ANGPT4: variants seen among roughly 807,000 people sequenced by gnomAD.
ANGPT4 encodes the protein angiopoietin-4.
In ANGPT4, 50 loss-of-function variants were observed where a neutral mutation model predicts 53.0. The observed-to-expected ratio is 0.94, with a 90% CI of 0.75 to 1.20. The LOEUF (loss-of-function observed/expected upper bound fraction) is 1.20, where lower values mean the gene tolerates loss of function less well. ANGPT4 is among the 50% of genes most tolerant of loss of function. ANGPT4 has a pLI of 0.00. For synonymous variants in ANGPT4, 251 were observed against 259.7 expected, an observed-to-expected ratio of 0.97 and a Z score of 0.32; for missense variants, 648 against 637.1, an observed-to-expected ratio of 1.02 and a Z score of -0.18.
chr20:915,289 C>T (rs1444597749), intron 1 of ANGPT4, among the ~76,000 whole-genome samples: 1 of 152,136 alleles, frequency 6.6e-6, no homozygotes, highest in East Asian at 1.9e-4. Context: ...CCCTTGCTCC[C>T]TCTCCTCTGC....
intron 2 of ANGPT4, among the ~76,000 whole-genome samples, chr20:888,663 G>A (rs1436287713): frequency 6.6e-6 from 1 of 152,110 alleles, no homozygotes; most frequent in Non-Finnish European, 1.5e-5. Context: ...CATTCTCCCT[G>A]ATGCTTAGGC....
At chr20:888,695 C>A (rs1189611554) in intron 2 of ANGPT4, among the ~76,000 whole-genome samples, 1 of 152,192 alleles carries the variant, frequency 6.6e-6, no homozygotes, top group Non-Finnish European at 1.5e-5. Context: ...TCAACCCTGT[C>A]CCCCACATCC....
chr20:889,181 C>A (rs954485187), intron 2 of ANGPT4, among the ~76,000 whole-genome samples: 4 of 151,792 alleles, frequency 2.6e-5, no homozygotes, highest in Non-Finnish European at 5.9e-5. Flanking sequence ...CATCCCCCCC[C>A]ACCACTCCCA....
At chr20:877,054 T>G (rs1981197441) in intron 7 of ANGPT4, among the ~76,000 whole-genome samples, 1 of 149,772 alleles carries the variant, frequency 6.7e-6, no homozygotes, top group Non-Finnish European at 1.5e-5. Flanking sequence ...AGACCCTGCC[T>G]CAAAAAAGCC....
chr20:875,937 C>T (rs1403701778), intron 7 of ANGPT4, among the ~76,000 whole-genome samples: 1 of 152,040 alleles, frequency 6.6e-6, no homozygotes, highest in Admixed American at 6.5e-5. Flanking sequence ...CGAGATCAGC[C>T]TGGGCAACAT....
chr20:905,406 C>T (rs1982442788), intron 1 of ANGPT4, among the ~76,000 whole-genome samples: 1 of 152,014 alleles, frequency 6.6e-6, no homozygotes, highest in Non-Finnish European at 1.5e-5. Flanking sequence ...GTAAGGGGCA[C>T]GAGATTTCCA....
intron 1 of ANGPT4, among the ~76,000 whole-genome samples, chr20:910,004 G>T (rs1982637342): frequency 1.3e-5 from 2 of 152,164 alleles, no homozygotes; most frequent in African/African-American, 4.8e-5. Context: ...TCCCCTTTGG[G>T]GACCAGGGTC....
rs1467585003 is a variant in ANGPT4 at position 915,984 on chromosome 20, C to T, written c.231G>A (p.Leu77=). 3.7e-6 allele frequency: 6 copies of T among 1,612,188 alleles called. No individual in the cohort carries two copies. The highest frequency in any genetic ancestry group is 5.1e-6 in the Non-Finnish European group (6 of 1,178,452). ...GCTGGGTGGGCAACTTCCCCAGGTG[C>T]AGTGGGTTGGCCAGTGATTCTCTCT... is the stretch of plus-strand genomic sequence containing the variant. The part of the protein sequence containing the change: ...TLQRESLANP[L]HLGKLPTQQV... Residue 77 remains leucine (L), a synonymous_variant, in exon 1 of 9, where the codon CTG becomes CTA. Coordinates refer to ENST00000381922, the MANE Select transcript of ANGPT4 (RefSeq NM_015985.4).
chr20:874,427 C>G lies in ANGPT4; in HGVS notation c.1221-13G>C, dbSNP rs1287761728. ...GACCACAGAAAGCCTGGAGGCCACC[C>G]AGAGGTGGTGGTGGCAGAAGGGCCC... On this transcript the variant is annotated splice_polypyrimidine_tract_variant and intron_variant, in intron 7 of 8. Transcript: ENST00000381922. 5 of 1,612,664 alleles carry G rather than the reference C, an allele frequency of 3.1e-6. No homozygotes were observed. In the African/African-American group the frequency reaches 6.7e-5, roughly 22 times the overall value.
At chr20:884,634 G>A (rs1038366030) in intron 4 of ANGPT4, among the ~76,000 whole-genome samples, 8 of 152,224 alleles carry the variant, frequency 5.3e-5, no homozygotes, top group Non-Finnish European at 8.8e-5. Flanking sequence ...AGGGGCAGGG[G>A]CATTAAGATG....
rs990655260 is a variant in ANGPT4 at position 890,084 on chromosome 20, C to T, written c.465+129G>A. On this transcript the variant is annotated intron_variant, in intron 2 of 8. Coordinates refer to ENST00000381922, the MANE Select transcript of ANGPT4 (RefSeq NM_015985.4). ...ACAAGTTCATCAGGGAGGAGGGACC[C>T]GGGGGGCTACAGGCCCAGAGGAGGC... 1.2e-5 allele frequency: 14 copies of T among 1,162,524 alleles called. No individual in the cohort carries two copies. The Middle Eastern group carries it at 6.2e-4, about 52-fold the overall frequency. 72.0% of individuals were successfully genotyped at this position (1,162,524 alleles called of 1,614,324 possible). A position where few individuals can be genotyped will look rare whatever the true frequency, so the allele number is the denominator to read the frequency against.
At chr20:878,119 T>C in intron 7 of ANGPT4, 42 bp downstream of exon 7, 2 of 1,554,868 alleles carry the variant, frequency 1.3e-6, no homozygotes, top group Non-Finnish European at 1.8e-6. Flanking sequence ...GCCCACTAGC[T>C]GAAGACCCCA....
chr20:899,121 G>A (rs1982174352), intron 1 of ANGPT4, among the ~76,000 whole-genome samples: 2 of 152,088 alleles, frequency 1.3e-5, no homozygotes, highest in African/African-American at 4.8e-5. Flanking sequence ...AATCAATACA[G>A]AGGCTACCCA....
intron 7 of ANGPT4, among the ~76,000 whole-genome samples, chr20:875,385 G>T (rs1181778924): frequency 6.6e-6 from 1 of 152,188 alleles, no homozygotes; most frequent in African/African-American, 2.4e-5. Flanking sequence ...CAGCTCTGCA[G>T]CTTCGACATC....
chr20:882,388 T>C (rs1007573507), intron 4 of ANGPT4, among the ~76,000 whole-genome samples: 1 of 152,108 alleles, frequency 6.6e-6, no homozygotes, highest in Non-Finnish European at 1.5e-5. Flanking sequence ...GATGGATAGG[T>C]TGTCAACACC....
chr20:890,075 G>A, intron 2 of ANGPT4, 138 bp downstream of exon 2: 4 of 1,042,236 alleles, frequency 3.8e-6, no homozygotes, highest in Non-Finnish European at 5.5e-6. Flanking sequence ...TCATCAGGGA[G>A]GAGGGACCCG....
In ANGPT4 at chr20:885,244, C is replaced by T. The variant is rs763557392; in HGVS notation, c.669G>A (p.Leu223=). 3.2e-6 allele frequency: 5 copies of T among 1,584,042 alleles called. No homozygotes were observed. Among genetic ancestry groups the T allele is most frequent in the East Asian group, 2.3e-5 (1 of 43,582 alleles). ...LASILSKKAK[L]LNTLSRQSAA... is the part of the protein sequence containing the mutation. The stretch of plus-strand genomic sequence containing the variant: ...CGCTCTGGCGGCTCAGCGTGTTCAG[C>T]AGCTTCGCCTTCTTGCTGAGGATGC... The change falls in exon 4 of 9, where the codon CTG becomes CTA. Residue 223 remains leucine (L), a synonymous_variant. Coordinates refer to ENST00000381922, the MANE Select transcript of ANGPT4 (RefSeq NM_015985.4).
chr20:902,325 C>A (rs1219530050), intron 1 of ANGPT4, among the ~76,000 whole-genome samples: 3 of 151,582 alleles, frequency 2.0e-5, no homozygotes, highest in Non-Finnish European at 4.4e-5. Flanking sequence ...ATTCAAGGAA[C>A]CTGTAAACTT....
intron 4 of ANGPT4, 144 bp downstream of exon 4, chr20:884,934 T>C: frequency 8.4e-7 from 1 of 1,187,496 alleles, no homozygotes; most frequent in Non-Finnish European, 1.2e-6. Context: ...TACTGTTTAT[T>C]GTTGTTTCTA....
Sources: gnomAD v4.1 joint callset for allele counts (sites outside exome capture counted in the v4.1 genomes callset) on GRCh38, gnomAD v4.1.1 for gene constraint, MANE v1.5 for transcripts, NCBI Gene and HGNC (gene_info 2026-07-23, HGNC 2026-07-21) for gene names.